Variants in SBNO1 observed in about 807,000 individuals in gnomAD.
SBNO1 encodes protein strawberry notch homolog 1.
In SBNO1, 23 loss-of-function variants were observed where a neutral mutation model predicts 173.6. The observed-to-expected ratio is 0.13, with a 90% confidence interval of 0.10 to 0.19. The LOEUF is 0.19. Among genes scored for constraint, SBNO1 ranks in the 10% least tolerant of loss-of-function variants. SBNO1 has a pLI of 1.00. For missense variants in SBNO1, 1,238 were observed against 1,671.2 expected, an observed-to-expected ratio of 0.74 and a Z score of 4.52; for synonymous variants, 632 against 571.5, an observed-to-expected ratio of 1.11 and a Z score of -1.51.
intron 15 of SBNO1, among the ~76,000 whole-genome samples, chr12:123,324,626 A>T (rs1870396260): frequency 6.6e-6 from 1 of 151,908 alleles, no homozygotes. Flanking sequence ...TTGCTTTTGA[A>T]AGGAGCATCT....
At chr12:123,321,417 G>A in intron 17 of SBNO1, 118 bp downstream of exon 17, 1 of 770,128 alleles carries the variant, frequency 1.3e-6, no homozygotes, top group Non-Finnish European at 2.1e-6. Flanking sequence ...TTTCCACCAA[G>A]CAAAGATTAT....
At chr12:123,355,493 TCTCAGGAGGCTGA>T (rs917880628) in intron 1 of SBNO1, among the ~76,000 whole-genome samples, 6 of 151,872 alleles carry the variant, frequency 4.0e-5, no homozygotes, top group African/African-American at 1.5e-4. Flanking sequence ...AATCCCAGCT[TCTCAGGAGGCTGA>T]GGCAGGAGAA....
chr12:123,361,996 G>C lies in SBNO1; in HGVS notation c.-1+2705C>G, dbSNP rs561263843. 1.1e-4 allele frequency among the ~76,000 whole-genome samples: 16 copies of C among 151,026 alleles called. No individual in the cohort carries two copies. The South Asian group carries it at 3.1e-3, about 30-fold the overall frequency. On this transcript the variant is annotated intron_variant, in intron 1 of 31. Transcript: ENST00000602398. ...TCTACTAAAAATACGAAAATTAGCC[G>C]GGCATGGTGGCACGCGCCTGTAGTC... is the stretch of plus-strand genomic sequence containing the variant.
chr12:123,336,824 C>T (rs779287813), intron 5 of SBNO1, among the ~76,000 whole-genome samples: 2 of 152,172 alleles, frequency 1.3e-5, no homozygotes, highest in South Asian at 2.1e-4. Flanking sequence ...ACTCAGACTT[C>T]GCCTTCATTC....
At chr12:123,351,632 A>C (rs1252719457) in intron 1 of SBNO1, among the ~76,000 whole-genome samples, 3 of 152,150 alleles carry the variant, frequency 2.0e-5, no homozygotes, top group Non-Finnish European at 2.9e-5. Context: ...TAAAGATAGA[A>C]AAAAATAGAA....
chr12:123,295,864 T>C lies in SBNO1; in HGVS notation c.*44A>G. 1 of 1,599,442 alleles carries C rather than the reference T, an allele frequency of 6.3e-7. No homozygotes were observed. Among genetic ancestry groups the C allele is most frequent in the East Asian group, 2.2e-5 (1 of 44,658 alleles). On this transcript the variant is annotated 3_prime_UTR_variant, in exon 32 of 32. Transcript: ENST00000602398. ...CTGATTTTTATGCAAATGATATGCTTCAACAGCATTTCAGATCCATCCATG... is the reference window on the plus strand; with the variant it reads ...CTGATTTTTATGCAAATGATATGCTCCAACAGCATTTCAGATCCATCCATG...
At chr12:123,358,522 G>A (rs1269281601) in intron 1 of SBNO1, among the ~76,000 whole-genome samples, 4 of 151,982 alleles carry the variant, frequency 2.6e-5, no homozygotes, top group South Asian at 2.1e-4. Context: ...GGGAGGCCGA[G>A]GCAGGTGGAT....
Position 123,293,036 on chromosome 12 carries a change from T to G in SBNO1, c.*2872A>C, listed in dbSNP as rs931088162. The G allele has an allele frequency of 6.6e-5, 10 of 152,210 alleles. No individual in the cohort carries two copies. The highest frequency in any genetic ancestry group is 6.5e-4 in the Admixed American group (10 of 15,276). 9.4% of individuals were successfully genotyped at this position (152,210 alleles called of 1,614,324 possible). A position where few individuals can be genotyped will look rare whatever the true frequency, so the allele number is the denominator to read the frequency against. ...ACTCTGGAAGTGGTTTTCAGTACAA[T>G]TGACGCTGTAAACTCTGAAAACACG... is the stretch of plus-strand genomic sequence containing the variant. On this transcript the variant is annotated 3_prime_UTR_variant, in exon 32 of 32. Transcript: ENST00000602398.
At chr12:123,327,660 C>T (rs7959415) in intron 12 of SBNO1, 47 bp downstream of exon 12, 1,512,723 of 1,581,970 alleles carry the variant, frequency 0.96, 724,264 homozygotes, top group Non-Finnish European at 0.96. Flanking sequence ...GAATAACACA[C>T]TTCTTAGATT....
chr12:123,335,261 A>G (rs1178157836), intron 6 of SBNO1, among the ~76,000 whole-genome samples: 1 of 152,206 alleles, frequency 6.6e-6, no homozygotes, highest in Non-Finnish European at 1.5e-5. Flanking sequence ...CAACACGGTG[A>G]AACCCCATCT....
In SBNO1 at chr12:123,291,379, T is replaced by A. The variant is rs1393148835; in HGVS notation, c.*4529A>T. 1.3e-5 allele frequency: 2 copies of A among 152,146 alleles called. No homozygotes were observed. Among genetic ancestry groups the A allele is most frequent in the African/African-American group, 2.4e-5 (1 of 41,440 alleles). 9.4% of individuals were successfully genotyped at this position (152,146 alleles called of 1,614,324 possible). A position where few individuals can be genotyped will look rare whatever the true frequency, so the allele number is the denominator to read the frequency against. On this transcript the variant is annotated 3_prime_UTR_variant, in exon 32 of 32. Coordinates refer to ENST00000602398, the MANE Select transcript of SBNO1 (RefSeq NM_001167856.3). The stretch of plus-strand genomic sequence containing the variant: ...TCTAAGAGCTAAGTTTGATCCCAAA[T>A]GCACTGAAGAAGTTAGAGGAGCTTA...
intron 24 of SBNO1, among the ~76,000 whole-genome samples, chr12:123,311,747 TA>T (rs1450592871): frequency 4.9e-5 from 7 of 144,180 alleles, no homozygotes; most frequent in South Asian, 2.2e-4. Context: ...TATATATATA[TA>T]TTTTTGCGAC....
intron 30 of SBNO1, 93 bp from the exon 31 acceptor site, chr12:123,298,264 T>G: frequency 7.8e-7 from 1 of 1,283,504 alleles, no homozygotes; most frequent in Non-Finnish European, 1.1e-6. Flanking sequence ...AAATTTCTTT[T>G]CTTTTCTTTT....
chr12:123,345,733 G>C (rs769216181), intron 3 of SBNO1, among the ~76,000 whole-genome samples, 163 bp from the exon 4 acceptor site: 1 of 151,746 alleles, frequency 6.6e-6, no homozygotes, highest in Non-Finnish European at 1.5e-5. Flanking sequence ...GCTGAAGTGC[G>C]ATCATAGCTC....
At chr12:123,300,514 G>A (rs550997726) in intron 30 of SBNO1, among the ~76,000 whole-genome samples, 63 of 152,086 alleles carry the variant, frequency 4.1e-4, no homozygotes, top group African/African-American at 1.4e-3. Context: ...AAAATTAGCC[G>A]GGCGTGGTTG....
In SBNO1 at chr12:123,313,666, A is replaced by C. The variant is rs1328975404; in HGVS notation, c.3174T>G (p.Ser1058=). 1.2e-6 allele frequency: 2 copies of C among 1,609,842 alleles called. No individual in the cohort carries two copies. Among genetic ancestry groups the C allele is most frequent in the Non-Finnish European group, 1.7e-6 (2 of 1,176,726 alleles). ...AGTCTGGAGGTGGTGATACCATAGG[A>C]GAATCCAAGTTTACAATGGATTTCA... ...IVMKSIVNLD[S]PMVSPPPDYP... is the part of the protein sequence containing the mutation. The change falls in exon 24 of 32, where the codon TCT becomes TCG. Residue 1058 remains serine, a synonymous_variant. Coordinates refer to ENST00000602398, the MANE Select transcript of SBNO1 (RefSeq NM_001167856.3).
chr12:123,362,333 G>T (rs540533915), intron 1 of SBNO1, among the ~76,000 whole-genome samples: 2 of 149,310 alleles, frequency 1.3e-5, no homozygotes, highest in African/African-American at 4.9e-5. Context: ...CTACTTGGGA[G>T]GCTGAGGCAG....
intron 1 of SBNO1, among the ~76,000 whole-genome samples, chr12:123,353,535 G>GAC (rs1874113834): frequency 6.6e-6 from 1 of 152,284 alleles, no homozygotes; most frequent in East Asian, 1.9e-4. Context: ...GGAAATGAAT[G>GAC]ACAGAGTTAA....
chr12:123,344,333 T>C (rs1276392074), intron 4 of SBNO1, among the ~76,000 whole-genome samples: 1 of 152,128 alleles, frequency 6.6e-6, no homozygotes, highest in Non-Finnish European at 1.5e-5. Flanking sequence ...ACTGCCAGGT[T>C]GCAGTCAGTT....
Sources: gnomAD v4.1 joint callset for allele counts (sites outside exome capture counted in the v4.1 genomes callset) on GRCh38, gnomAD v4.1.1 for gene constraint, MANE v1.5 for transcripts, NCBI Gene and HGNC (gene_info 2026-07-23, HGNC 2026-07-21) for gene names.